The following THSD7B variants were observed in gnomAD, a reference collection of about 807,000 sequenced individuals.
THSD7B encodes the protein thrombospondin type 1 domain containing 7B, also known as thrombospondin type-1 domain-containing protein 7B.
A neutral mutation model predicts 213.6 loss-of-function variants in THSD7B; 138 were observed. The ratio of observed to expected loss-of-function variants is 0.65; its 90% CI spans 0.56 to 0.74. The LOEUF is 0.74. Among genes scored for constraint, THSD7B ranks in the 30% least tolerant of loss-of-function variants. The probability of loss-of-function intolerance (pLI) is 0.00; values close to 1 mark genes in which losing one functional copy is unlikely to be tolerated. For synonymous variants in THSD7B, 742 were observed against 687.0 expected (o/e 1.08, Z -1.25); for missense variants, 1,931 against 1,991.5 (o/e 0.97, Z 0.58).
intron 15 of THSD7B, among the ~76,000 whole-genome samples, chr2:137,530,480 G>A (rs1680376238): frequency 6.6e-6 from 1 of 151,926 alleles, no homozygotes; most frequent in Non-Finnish European, 1.5e-5. Flanking sequence ...ATACTTCCTG[G>A]ATTTGTAAAA....
chr2:137,371,052 A>G (rs1321025204), intron 12 of THSD7B, among the ~76,000 whole-genome samples: 1 of 152,136 alleles, frequency 6.6e-6, no homozygotes, highest in African/African-American at 2.4e-5. Flanking sequence ...AATTGAGTAA[A>G]TGTCTTCTCA....
At chr2:136,819,693 C>A (rs909500825) in intron 1 of THSD7B, among the ~76,000 whole-genome samples, 4 of 152,122 alleles carry the variant, frequency 2.6e-5, no homozygotes, top group Admixed American at 1.3e-4. Flanking sequence ...TATGCCCCCC[C>A]CAGTCCAGCT....
intron 15 of THSD7B, among the ~76,000 whole-genome samples, chr2:137,546,415 T>TA (rs1558834318): frequency 3.9e-5 from 1 of 25,526 alleles, no homozygotes; most frequent in Non-Finnish European, 6.1e-5. Flanking sequence ...TATATATATA[T>TA]TATATATATT....
At chr2:137,649,220 G>C (rs1005235239) in intron 21 of THSD7B, among the ~76,000 whole-genome samples, 1 of 151,958 alleles carries the variant, frequency 6.6e-6, no homozygotes, top group Non-Finnish European at 1.5e-5. Context: ...CCATTCTGTT[G>C]GTTGTCTCTT....
chr2:137,566,729 C>CTGATG (rs1430617035), intron 16 of THSD7B, among the ~76,000 whole-genome samples: 2 of 151,950 alleles, frequency 1.3e-5, no homozygotes, highest in Admixed American at 1.3e-4. Context: ...TCTGATTGGT[C>CTGATG]TGATGTAATA....
chr2:136,789,836 C>G (rs371065300), intron 1 of THSD7B, among the ~76,000 whole-genome samples: 27 of 152,112 alleles, frequency 1.8e-4, no homozygotes, highest in African/African-American at 6.3e-4. Context: ...ATGGATACCA[C>G]AAACTCTTTG....
chr2:137,109,792 G>T (rs1321834649), intron 4 of THSD7B, among the ~76,000 whole-genome samples: 1 of 148,278 alleles, frequency 6.7e-6, no homozygotes, highest in Non-Finnish European at 1.5e-5. Context: ...GTGAGACCTG[G>T]TTCCTAACAG....
intron 1 of THSD7B, among the ~76,000 whole-genome samples, chr2:136,870,059 G>A (rs1340345810): frequency 4.0e-5 from 5 of 124,666 alleles, no homozygotes; most frequent in African/African-American, 9.4e-5. Flanking sequence ...GCGAAAGAGC[G>A]AGACTCCGTC....
intron 12 of THSD7B, among the ~76,000 whole-genome samples, chr2:137,292,256 A>G (rs1683354735): frequency 6.6e-6 from 1 of 152,198 alleles, no homozygotes; most frequent in South Asian, 2.1e-4. Context: ...ATAGATAGAA[A>G]TTAATTACAA....
At chr2:137,196,036 G>A (rs1456501325) in intron 7 of THSD7B, among the ~76,000 whole-genome samples, 1 of 152,164 alleles carries the variant, frequency 6.6e-6, no homozygotes, top group African/African-American at 2.4e-5. Context: ...TGATCATAGA[G>A]ATGACATCGT....
chr2:137,208,487 T>A (rs1681033821), intron 7 of THSD7B, among the ~76,000 whole-genome samples: 1 of 152,052 alleles, frequency 6.6e-6, no homozygotes, highest in Non-Finnish European at 1.5e-5. Context: ...CGCAAAACCC[T>A]GGGTGGGCTT....
Position 137,094,864 on chromosome 2 carries a change from T to G in THSD7B, c.951-9T>G. ...ATGGCCTCCTATTTTCTACTTCTGTTTTTTTCAGCCTTTGCCTTCAAGATT... is the reference window on the plus strand; with the variant it reads ...ATGGCCTCCTATTTTCTACTTCTGTGTTTTTCAGCCTTTGCCTTCAAGATT... On this transcript the variant is annotated splice_polypyrimidine_tract_variant and intron_variant, in intron 3 of 27. Transcript: ENST00000409968. 1 of 1,608,044 alleles carries G rather than the reference T, an allele frequency of 6.2e-7. No homozygotes were observed. The highest frequency in any genetic ancestry group is 8.5e-7 in the Non-Finnish European group (1 of 1,175,524).
intron 12 of THSD7B, among the ~76,000 whole-genome samples, chr2:137,390,697 G>A (rs1686004195): frequency 1.3e-5 from 2 of 152,024 alleles, no homozygotes; most frequent in African/African-American, 4.8e-5. Flanking sequence ...ATTATTTTGA[G>A]GTATGTTCCA....
chr2:137,352,463 A>G (rs560138030), intron 12 of THSD7B, among the ~76,000 whole-genome samples: 1 of 152,092 alleles, frequency 6.6e-6, no homozygotes, highest in African/African-American at 2.4e-5. Flanking sequence ...CCATCAGAGA[A>G]GTTGGCTCGT....
At chr2:137,418,659 T>A (rs1686851808) in intron 14 of THSD7B, among the ~76,000 whole-genome samples, 1 of 152,086 alleles carries the variant, frequency 6.6e-6, no homozygotes, top group East Asian at 1.9e-4. Context: ...TAAGTATATA[T>A]TTGTACCCGT....
intron 14 of THSD7B, among the ~76,000 whole-genome samples, chr2:137,423,853 CAA>C (rs1186800945): frequency 1.3e-5 from 2 of 152,028 alleles, no homozygotes; most frequent in Non-Finnish European, 2.9e-5. Flanking sequence ...CAAGAATAGT[CAA>C]ACAGTCTTGA....
At chr2:137,320,593 C>T (rs1684241097) in intron 12 of THSD7B, among the ~76,000 whole-genome samples, 1 of 152,062 alleles carries the variant, frequency 6.6e-6, no homozygotes, top group Non-Finnish European at 1.5e-5. Context: ...TGTAATTATA[C>T]CCAAAGCCCA....
At position 137,510,427 on chromosome 2, in the gene THSD7B, C is replaced by T. The variant is rs187876297; in HGVS notation, c.3139-52794C>T. The stretch of plus-strand genomic sequence containing the variant: ...CATTGTCATGTATATTATATCTGTG[C>T]ATTATAATATGCATTATAAACCCCC... On this transcript the variant is annotated intron_variant, in intron 15 of 27. Transcript: ENST00000409968. 4.6e-5 allele frequency among the ~76,000 whole-genome samples: 7 copies of T among 152,148 alleles called. No homozygotes were observed. The South Asian group carries it at 8.3e-4, about 18-fold the overall frequency.
intron 12 of THSD7B, among the ~76,000 whole-genome samples, chr2:137,336,361 C>T (rs1684639322): frequency 6.6e-6 from 1 of 152,136 alleles, no homozygotes; most frequent in African/African-American, 2.4e-5. Context: ...CCTGAGCTCA[C>T]GTAAGTTGAG....
Sources: allele counts gnomAD v4.1 joint callset (sites outside exome capture counted in the v4.1 genomes callset), GRCh38; gene constraint gnomAD v4.1.1; transcripts MANE v1.5; gene names NCBI Gene and HGNC (gene_info 2026-07-23, HGNC 2026-07-21).